The following GPC6 variants were observed in gnomAD, a reference collection of about 807,000 sequenced individuals.
GPC6 encodes the protein glypican-6.
Under a neutral mutation model 55.2 loss-of-function variants are expected in GPC6, and 14 were observed. The observed-to-expected ratio is 0.25, with a 90% CI of 0.17 to 0.40. GPC6 has a LOEUF of 0.40. Ranked by LOEUF, GPC6 falls within the 10% of genes least tolerant of loss-of-function variation. The pLI is 1.00. For synonymous variants in GPC6, 278 were observed against 259.6 expected (o/e 1.07, Z -0.68); for missense variants, 641 against 708.5 (o/e 0.90, Z 1.08).
chr13:94,151,668 A>G (rs971179538), intron 4 of GPC6, among the ~76,000 whole-genome samples: 5 of 152,074 alleles, frequency 3.3e-5, no homozygotes, highest in African/African-American at 9.7e-5. Flanking sequence ...TGGCAGAGAG[A>G]TGTCTTTATC....
intron 4 of GPC6, among the ~76,000 whole-genome samples, chr13:94,143,004 T>G (rs1281843915): frequency 6.6e-6 from 1 of 151,972 alleles, no homozygotes; most frequent in African/African-American, 2.4e-5. Flanking sequence ...AATTTTTGTA[T>G]TTTTAGTAGA....
rs144384187 is a variant in GPC6 at position 93,819,235 on chromosome 13, C to CA, written c.320-10913dup. Reference sequence around the variant, plus strand: ...CCAGGTCCTTATCACTGGCTTTTAGCAAAAAACTAGCTTTGGGTCCACATC... The same window carrying CA: ...CCAGGTCCTTATCACTGGCTTTTAGCAAAAAAACTAGCTTTGGGTCCACATC... On this transcript the variant is annotated intron_variant, in intron 2 of 8. Transcript: ENST00000377047. Among the ~76,000 whole-genome samples, 838 of 152,164 alleles carry CA rather than the reference C, an allele frequency of 5.5e-3. 37 individuals carry two copies. The East Asian group carries it at 0.12, about 21-fold the overall frequency.
At position 94,404,322 on chromosome 13, in the gene GPC6, A is replaced by G. The variant is rs1384562383; in HGVS notation, c.*1105A>G. The G allele has an allele frequency of 6.6e-6, 1 of 152,194 alleles. No individual in the cohort carries two copies. The highest frequency in any genetic ancestry group is 1.5e-5 in the Non-Finnish European group (1 of 68,036). The allele number at this position is 152,194 out of a possible 1,614,324, so 9.4% of individuals were successfully genotyped here. ...GTCAAGACAAAAAATATATATATAT[A>G]GTATTGACATGGAGATTTCTTTCAC... On this transcript the variant is annotated 3_prime_UTR_variant, in exon 9 of 9. Transcript: ENST00000377047.
At chr13:93,382,493 G>A (rs951497295) in intron 1 of GPC6, among the ~76,000 whole-genome samples, 19 of 152,142 alleles carry the variant, frequency 1.2e-4, no homozygotes, top group African/African-American at 4.6e-4. Context: ...GATAGTTTAA[G>A]ATTTATATTA....
chr13:94,277,895 T>C (rs1481599188), intron 4 of GPC6, among the ~76,000 whole-genome samples: 1 of 151,922 alleles, frequency 6.6e-6, no homozygotes, highest in Non-Finnish European at 1.5e-5. Context: ...TTGTCTTGGC[T>C]GTTCTTGTTC....
chr13:94,247,951 C>G (rs989457307), intron 4 of GPC6, among the ~76,000 whole-genome samples: 2 of 152,036 alleles, frequency 1.3e-5, no homozygotes, highest in African/African-American at 4.8e-5. Flanking sequence ...GTCCTCCCAC[C>G]TCAGCCTCCC....
intron 3 of GPC6, among the ~76,000 whole-genome samples, chr13:93,947,946 T>A (rs547356698): frequency 6.6e-6 from 1 of 152,324 alleles, no homozygotes; most frequent in South Asian, 2.1e-4. Context: ...TCAATTTCCC[T>A]TTTGTTTTTC....
intron 2 of GPC6, among the ~76,000 whole-genome samples, chr13:93,810,224 C>T (rs190711429): frequency 1.6e-4 from 24 of 152,270 alleles, no homozygotes; most frequent in African/African-American, 5.8e-4. Flanking sequence ...CAGCTTCAGA[C>T]GATTTGGAAA....
intron 4 of GPC6, among the ~76,000 whole-genome samples, chr13:94,182,135 G>A (rs1889018846): frequency 6.6e-6 from 1 of 152,110 alleles, no homozygotes; most frequent in South Asian, 2.1e-4. Context: ...AGGCCCTTAG[G>A]CCAAAAATAA....
intron 4 of GPC6, among the ~76,000 whole-genome samples, chr13:94,036,834 T>A (rs1211977971): frequency 6.6e-6 from 1 of 151,962 alleles, no homozygotes; most frequent in Non-Finnish European, 1.5e-5. Context: ...CTGAGTTCAT[T>A]GACTTCAGGA....
At chr13:94,252,442 A>G (rs1891380471) in intron 4 of GPC6, among the ~76,000 whole-genome samples, 3 of 152,092 alleles carry the variant, frequency 2.0e-5, no homozygotes, top group Non-Finnish European at 1.5e-5. Flanking sequence ...TACGCAATAA[A>G]AGGGGATTTT....
chr13:93,686,958 G>A (rs943843010), intron 2 of GPC6, among the ~76,000 whole-genome samples: 5 of 151,806 alleles, frequency 3.3e-5, no homozygotes, highest in South Asian at 2.1e-4. Flanking sequence ...TCCCATTGCC[G>A]ATTTTAAAGC....
Position 94,007,190 on chromosome 13 carries a change from C to T in GPC6, c.712-20539C>T, listed in dbSNP as rs377362380. On this transcript the variant is annotated intron_variant, in intron 3 of 8. Coordinates refer to ENST00000377047, the MANE Select transcript of GPC6 (RefSeq NM_005708.5). ...GAGTGGTTACAACACTCTTGAAGTT[C>T]CTCCCCTGGCTTTCATTAATCTGAA... 5.9e-5 allele frequency among the ~76,000 whole-genome samples: 9 copies of T among 152,290 alleles called. No individual in the cohort carries two copies. The East Asian group carries it at 1.2e-3, about 20-fold the overall frequency.
chr13:93,604,670 C>T (rs1326807770), intron 2 of GPC6, among the ~76,000 whole-genome samples: 2 of 152,020 alleles, frequency 1.3e-5, no homozygotes, highest in East Asian at 1.9e-4. Flanking sequence ...AGTACGCTCT[C>T]TGCACGATTA....
intron 2 of GPC6, among the ~76,000 whole-genome samples, chr13:93,824,175 C>A (rs972614162): frequency 1.3e-5 from 2 of 152,070 alleles, no homozygotes; most frequent in African/African-American, 2.4e-5. Flanking sequence ...GGAAATAGTT[C>A]TTTTCCTTTT....
At chr13:93,606,523 G>A (rs1878245541) in intron 2 of GPC6, among the ~76,000 whole-genome samples, 1 of 152,096 alleles carries the variant, frequency 6.6e-6, no homozygotes, top group Non-Finnish European at 1.5e-5. Flanking sequence ...CCCACATCTA[G>A]GTTAAATATG....
chr13:93,326,581 A>G (rs1249092257), intron 1 of GPC6, among the ~76,000 whole-genome samples: 1 of 152,192 alleles, frequency 6.6e-6, no homozygotes, highest in Non-Finnish European at 1.5e-5. Context: ...CTTATGATAA[A>G]ATTGCTTTTG....
intron 2 of GPC6, among the ~76,000 whole-genome samples, chr13:93,653,563 G>T (rs1242609861): frequency 7.2e-6 from 1 of 138,670 alleles, no homozygotes; most frequent in Non-Finnish European, 1.5e-5. Flanking sequence ...ATAATCCTAT[G>T]AAGTATATGG....
At chr13:93,469,566 GA>G (rs766434334) in intron 1 of GPC6, among the ~76,000 whole-genome samples, 1 of 152,060 alleles carries the variant, frequency 6.6e-6, no homozygotes, top group Non-Finnish European at 1.5e-5. Flanking sequence ...ATAGGAATAT[GA>G]ATGAAACGAC....
Sources: gnomAD v4.1 joint callset for allele counts (sites outside exome capture counted in the v4.1 genomes callset) on GRCh38, gnomAD v4.1.1 for gene constraint, MANE v1.5 for transcripts, NCBI Gene and HGNC (gene_info 2026-07-23, HGNC 2026-07-21) for gene names.